Variants in DNASE1 observed in about 807,000 individuals in gnomAD.
DNASE1 encodes the protein deoxyribonuclease-1.
Under a neutral mutation model 33.9 loss-of-function variants are expected in DNASE1, and 40 were observed. That is an observed-to-expected ratio of 1.18 (90% CI 0.92 to 1.54). DNASE1 has a LOEUF of 1.54. Among genes scored for constraint, DNASE1 ranks in the 40% most tolerant of loss-of-function variants. The pLI is 0.00. For synonymous variants in DNASE1, 216 were observed against 160.0 expected, an observed-to-expected ratio of 1.35 and a Z score of -2.64; for missense variants, 518 against 372.6, an observed-to-expected ratio of 1.39 and a Z score of -3.21.
intron 1 of DNASE1, among the ~76,000 whole-genome samples, chr16:3,636,918 G>A (rs1473073422): frequency 6.6e-6 from 1 of 152,010 alleles, no homozygotes; most frequent in Non-Finnish European, 1.5e-5. Flanking sequence ...GAGGTCAGGA[G>A]TTCGAGACCA....
At chr16:3,658,770 T>C, downstream of DNASE1, 5 of 1,608,930 alleles carry the variant, frequency 3.1e-6, no homozygotes, top group Non-Finnish European at 3.4e-6. Flanking sequence ...GTCCCTGCAG[T>C]CATCCTAAGC....
chr16:3,647,410 A>C (rs1326158672), intron 1 of DNASE1, among the ~76,000 whole-genome samples: 2 of 151,818 alleles, frequency 1.3e-5, no homozygotes, highest in Non-Finnish European at 2.9e-5. Flanking sequence ...AGTAGCTGGG[A>C]CTACAGATGT....
At chr16:3,662,805 G>T (rs1179372818), downstream of DNASE1, 1 of 1,423,046 alleles carries the variant, frequency 7.0e-7, no homozygotes. Context: ...AACGGGCCAG[G>T]TACTGGGAGC....
chr16:3,642,633 A>G (rs1483115487), upstream of DNASE1, among the ~76,000 whole-genome samples: 1 of 152,144 alleles, frequency 6.6e-6, no homozygotes, highest in Non-Finnish European at 1.5e-5. Context: ...GAGGGTAACT[A>G]CAGTGTGAGT....
At chr16:3,653,803 C>A (rs1431198770), upstream of DNASE1, 1 of 70,292 alleles carries the variant, frequency 1.4e-5, no homozygotes, top group African/African-American at 7.7e-5. Flanking sequence ...CAAGATTCCG[C>A]CTCAAAAAAA....
At chr16:3,658,618 A>C, downstream of DNASE1, 1 of 638,558 alleles carries the variant, frequency 1.6e-6, no homozygotes, top group East Asian at 2.8e-5. Flanking sequence ...GGTTGTAGTG[A>C]GCCAAGATCG....
intron 6 of DNASE1, 33 bp downstream of exon 6, chr16:3,657,144 G>A (rs539275502): frequency 8.1e-5 from 130 of 1,614,082 alleles, no homozygotes; most frequent in Admixed American, 4.8e-4. Context: ...GGGCACCAGC[G>A]GCCTCCGCAT....
At chr16:3,642,183 G>T (rs8046120), upstream of DNASE1, among the ~76,000 whole-genome samples, 14 of 152,212 alleles carry the variant, frequency 9.2e-5, no homozygotes, top group Non-Finnish European at 1.5e-4. Flanking sequence ...TCAGCCTTTT[G>T]CTTGGGGCCT....
chr16:3,645,441 CATT>C (rs975103734), intron 1 of DNASE1, among the ~76,000 whole-genome samples: 1 of 152,264 alleles, frequency 6.6e-6, no homozygotes, highest in African/African-American at 2.4e-5. Flanking sequence ...TATGAGTTCT[CATT>C]GTCCTCAGGG....
chr16:3,640,843 G>A, upstream of DNASE1: 1 of 398,672 alleles, frequency 2.5e-6, no homozygotes, highest in Middle Eastern at 6.3e-4. Flanking sequence ...CCTGGGCCCA[G>A]GCACCTCCGA....
intron 4 of DNASE1, 136 bp from the exon 5 acceptor site, chr16:3,656,502 C>A (rs2042639817): frequency 1.5e-6 from 1 of 668,016 alleles, no homozygotes; most frequent in Non-Finnish European, 2.7e-6. Flanking sequence ...TCGCCTGGGT[C>A]CCGGACCAAT....
chr16:3,662,824 G>T (rs2043163602), downstream of DNASE1: 1 of 1,564,868 alleles, frequency 6.4e-7, no homozygotes, highest in Non-Finnish European at 8.8e-7. Context: ...GCCACCAGCT[G>T]GCCAGCCTGT....
chr16:3,657,639 C>G, intron 7 of DNASE1, 81 bp from the exon 8 acceptor site: 1 of 1,571,496 alleles, frequency 6.4e-7, no homozygotes, highest in Non-Finnish European at 8.7e-7. Flanking sequence ...GGTCCCAGGG[C>G]TCTTAGTTTA....
chr16:3,622,905 G>C (rs2041373522), intron 1 of DNASE1, among the ~76,000 whole-genome samples: 1 of 152,170 alleles, frequency 6.6e-6, no homozygotes, highest in African/African-American at 2.4e-5. Flanking sequence ...GTTCTTCAAA[G>C]CTGGAGGCAT....
At position 3,657,335 on chromosome 16, in the gene DNASE1, A is replaced by G. The variant is rs199826318; in HGVS notation, c.698A>G (p.Tyr233Cys). 1.2e-5 allele frequency: 20 copies of G among 1,613,128 alleles called. No individual in the cohort carries two copies. The highest frequency in any genetic ancestry group is 8.9e-5 in the East Asian group (4 of 44,882). The change falls in exon 7 of 9, where the codon TAT (tyrosine) becomes TGT (cysteine). Residue 233 changes from tyrosine (Y) to cysteine (C), a missense_variant. Tyr to Cys is a radical substitution (Grantham distance 194). Coordinates refer to ENST00000246949, the MANE Select transcript of DNASE1 (RefSeq NM_005223.4). ...DTTATPTHCA[Y>C]DRIVVAGMLL... is the part of the protein sequence containing the mutation. ...ACAGCTACACCCACGCACTGTGCCTATGACAGGTGAGCAGGGCCTCGCGCT... is the reference window on the plus strand; with the variant it reads ...ACAGCTACACCCACGCACTGTGCCTGTGACAGGTGAGCAGGGCCTCGCGCT...
At chr16:3,628,006 C>G (rs2041573753) in intron 1 of DNASE1, among the ~76,000 whole-genome samples, 1 of 147,420 alleles carries the variant, frequency 6.8e-6, no homozygotes, top group Non-Finnish European at 1.5e-5. Flanking sequence ...CAGTAGCTCA[C>G]TTTTGGGAGT....
At chr16:3,639,271 T>G (rs2041963459), upstream of DNASE1, among the ~76,000 whole-genome samples, 1 of 152,248 alleles carries the variant, frequency 6.6e-6, no homozygotes, top group Admixed American at 6.5e-5. Context: ...TTCTTTGTGC[T>G]TTGCTTACAG....
chr16:3,645,410 T>A (rs2151197226), intron 1 of DNASE1, among the ~76,000 whole-genome samples: 1 of 152,360 alleles, frequency 6.6e-6, no homozygotes, highest in South Asian at 2.1e-4. Flanking sequence ...CTTGTGGCTT[T>A]GTTTAAATCC....
chr16:3,626,732 T>C (rs2041524625), intron 1 of DNASE1, among the ~76,000 whole-genome samples: 1 of 152,230 alleles, frequency 6.6e-6, no homozygotes, highest in South Asian at 2.1e-4. Context: ...GCTCTGATAG[T>C]GGATTTGTCT....
Sources: allele counts gnomAD v4.1 joint callset (sites outside exome capture counted in the v4.1 genomes callset), GRCh38; gene constraint gnomAD v4.1.1; transcripts MANE v1.5; gene names NCBI Gene and HGNC (gene_info 2026-07-23, HGNC 2026-07-21).